Variants in BFAR observed in about 807,000 individuals in gnomAD.
The protein encoded by BFAR is bifunctional apoptosis regulator.
BFAR carries 52 observed loss-of-function variants against 54.4 expected under a neutral mutation model. The observed-to-expected ratio is 0.96, with a 90% confidence interval of 0.77 to 1.21. BFAR has a LOEUF of 1.21. Ranked by LOEUF, BFAR falls within the 50% of genes most tolerant of loss-of-function variation. The pLI, the probability that BFAR is intolerant of heterozygous loss-of-function variation, is 0.00. For synonymous variants in BFAR, 215 were observed against 204.3 expected (o/e 1.05, Z -0.45); for missense variants, 571 against 534.0 (o/e 1.07, Z -0.68).
At chr16:14,636,918 G>C (rs760092869) in intron 1 of BFAR, among the ~76,000 whole-genome samples, 2 of 152,174 alleles carry the variant, frequency 1.3e-5, no homozygotes, top group Non-Finnish European at 2.9e-5. Flanking sequence ...TGTACCGCCC[G>C]TAATCCATTT....
At chr16:14,654,470 C>T (rs1960064108) in intron 4 of BFAR, among the ~76,000 whole-genome samples, 1 of 147,256 alleles carries the variant, frequency 6.8e-6, no homozygotes, top group Non-Finnish European at 1.5e-5. Flanking sequence ...GGAAAGTCAC[C>T]TTATTTCTCT....
Position 14,664,899 on chromosome 16 carries a change from A to G in BFAR, c.988A>G (p.Arg330Gly), listed in dbSNP as rs2151845403. ...TAAGGAGCCTACGTGGAAGCAGTGG[A>G]GAGAGTTCCTGGTCAAATACTCCTT... Reference protein sequence around the residue: ...DLKEPTWKQWREFLVKYSFLP... With the variant: ...DLKEPTWKQWGEFLVKYSFLP... The change falls in exon 7 of 8, where the codon AGA (arginine) becomes GGA (glycine). Residue 330 changes from arginine to glycine, a missense_variant. Physicochemically the swap from Arg to Gly is moderately radical, Grantham distance 125. Transcript: ENST00000261658. 6.2e-7 allele frequency: 1 copy of G among 1,614,046 alleles called. No homozygotes were observed. The highest frequency in any genetic ancestry group is 2.2e-5 in the East Asian group (1 of 44,880).
At chr16:14,654,634 A>T (rs529584771) in intron 4 of BFAR, among the ~76,000 whole-genome samples, 1 of 151,600 alleles carries the variant, frequency 6.6e-6, no homozygotes, top group Admixed American at 6.6e-5. Context: ...CAGCCTCCCA[A>T]GTAGCTGGGA....
chr16:14,658,623 C>CT (rs1270845555), intron 5 of BFAR, among the ~76,000 whole-genome samples: 2 of 151,824 alleles, frequency 1.3e-5, no homozygotes, highest in African/African-American at 4.8e-5. Context: ...GTCCCAGCTA[C>CT]TGGGGAGGCT....
intron 4 of BFAR, among the ~76,000 whole-genome samples, chr16:14,652,477 C>A (rs750527325): frequency 2.7e-5 from 4 of 149,078 alleles, no homozygotes; most frequent in African/African-American, 5.0e-5. Context: ...GATGGGGTTT[C>A]GCCATGTTGA....
intron 4 of BFAR, among the ~76,000 whole-genome samples, chr16:14,650,768 T>A (rs1216403666): frequency 6.6e-6 from 1 of 152,170 alleles, no homozygotes; most frequent in Admixed American, 6.6e-5. Context: ...CTGATTCCAT[T>A]TTTTGGCTAT....
intron 4 of BFAR, among the ~76,000 whole-genome samples, chr16:14,653,318 G>GT (rs916823077): frequency 7.9e-5 from 12 of 151,770 alleles, no homozygotes; most frequent in South Asian, 6.2e-4. Flanking sequence ...TCTTGTGTGT[G>GT]TTTTTTTTAA....
At chr16:14,649,610 A>G (rs1053739922) in intron 3 of BFAR, among the ~76,000 whole-genome samples, 194 bp from the exon 4 acceptor site, 3 of 150,458 alleles carry the variant, frequency 2.0e-5, no homozygotes, top group Admixed American at 1.3e-4. Context: ...AGAGAGAGGC[A>G]CCCGAGGAGA....
rs1275335342 is a variant in BFAR, at chr16:14,649,895, T to A, written c.560T>A (p.Val187Asp). The change falls in exon 4 of 8, where the codon GTT becomes GAT. Residue 187 changes from valine (V) to aspartate (D), a missense_variant. Coordinates refer to ENST00000261658, the MANE Select transcript of BFAR (RefSeq NM_016561.3). ...GTGGCCAAATGGACGGCGGAAGAAG[T>A]TGTCCTCTGGCTGGAGCAGCTGGGC... The part of the protein sequence containing the change: ...KAVAKWTAEE[V>D]VLWLEQLGPW... The A allele has an allele frequency of 6.2e-7, 1 of 1,613,720 alleles. No individual in the cohort carries two copies. The highest frequency in any genetic ancestry group is 2.2e-5 in the East Asian group (1 of 44,868).
intron 1 of BFAR, among the ~76,000 whole-genome samples, chr16:14,639,154 T>C (rs1373572488): frequency 6.6e-6 from 1 of 151,944 alleles, no homozygotes; most frequent in Non-Finnish European, 1.5e-5. Flanking sequence ...AAAAACAAGT[T>C]CCTTTGTAGA....
At chr16:14,648,617 G>T in intron 3 of BFAR, 25 bp downstream of exon 3, 1 of 1,582,910 alleles carries the variant, frequency 6.3e-7, no homozygotes, top group Non-Finnish European at 8.7e-7. Context: ...GTGTTCCTCT[G>T]TGCCCCCCCA....
chr16:14,645,002 C>T (rs1483118446), intron 2 of BFAR, among the ~76,000 whole-genome samples: 2 of 152,150 alleles, frequency 1.3e-5, no homozygotes, highest in African/African-American at 4.8e-5. Context: ...GTCTGGTTAG[C>T]AGACCGTTGC....
intron 1 of BFAR, among the ~76,000 whole-genome samples, chr16:14,636,560 A>G (rs1401733248): frequency 1.3e-5 from 2 of 152,242 alleles, no homozygotes; most frequent in African/African-American, 2.4e-5. Flanking sequence ...GATGGAACAT[A>G]CAATCGGGTT....
In BFAR at chr16:14,665,007, G is replaced by A; in HGVS notation, c.1096G>A (p.Ala366Thr). ...GACATCACGGTTTCTCATCATCAAT[G>A]CTATGTTACTCTCAGTTCTGGAATT... ...YWTSRFLIINAMLLSVLELFS... is the reference protein window; with the variant it reads ...YWTSRFLIINTMLLSVLELFS... The change falls in exon 7 of 8, where the codon GCT becomes ACT. Residue 366 changes from alanine (A) to threonine (T), a missense_variant. By Grantham distance (58) the Ala-to-Thr change is moderately conservative. Transcript: ENST00000261658. The A allele has an allele frequency of 6.2e-7, 1 of 1,614,076 alleles. No homozygotes were observed. The highest frequency in any genetic ancestry group is 8.5e-7 in the Non-Finnish European group (1 of 1,179,952).
chr16:14,640,546 C>T (rs1466421948), intron 1 of BFAR, among the ~76,000 whole-genome samples: 1 of 151,954 alleles, frequency 6.6e-6, no homozygotes, highest in African/African-American at 2.4e-5. Flanking sequence ...CCTCATTTAA[C>T]TTAGAAAAGG....
intron 2 of BFAR, among the ~76,000 whole-genome samples, chr16:14,647,034 C>T (rs1959817048): frequency 6.6e-6 from 1 of 152,108 alleles, no homozygotes; most frequent in Non-Finnish European, 1.5e-5. Flanking sequence ...GCCTCAGCAT[C>T]CCACAGTGCT....
At chr16:14,659,244 G>GTTTTTT (rs1404121780) in intron 5 of BFAR, among the ~76,000 whole-genome samples, 4 of 141,278 alleles carry the variant, frequency 2.8e-5, no homozygotes, top group Non-Finnish European at 4.6e-5. Flanking sequence ...GTTTTTTTTT[G>GTTTTTT]TTTTTTGTTT....
intron 1 of BFAR, among the ~76,000 whole-genome samples, chr16:14,641,932 T>C (rs1436129453): frequency 1.3e-5 from 2 of 152,240 alleles, no homozygotes; most frequent in African/African-American, 4.8e-5. Flanking sequence ...GGCTCTGTAC[T>C]AGGCACTTGA....
chr16:14,663,223 ACTCCCACCTTGCCCT>A (rs1960341711), intron 6 of BFAR, among the ~76,000 whole-genome samples: 1 of 151,698 alleles, frequency 6.6e-6, no homozygotes, highest in African/African-American at 2.4e-5. Flanking sequence ...CTCCTCCCTT[ACTCCCACCTTGCCCT>A]CCCAAAGTGT....
Sources: gnomAD v4.1 joint callset for allele counts (sites outside exome capture counted in the v4.1 genomes callset) on GRCh38, gnomAD v4.1.1 for gene constraint, MANE v1.5 for transcripts, NCBI Gene and HGNC (gene_info 2026-07-23, HGNC 2026-07-21) for gene names.